COL4A4: variants seen among roughly 807,000 people sequenced by gnomAD.
The protein encoded by COL4A4 is collagen type IV alpha 4 chain.
Under a neutral mutation model 192.9 loss-of-function variants are expected in COL4A4, and 105 were observed. The observed-to-expected ratio is 0.54, with a 90% CI of 0.46 to 0.64. The LOEUF is 0.64. COL4A4 is among the 30% of genes least tolerant of loss of function. COL4A4 has a pLI of 0.00. For missense variants in COL4A4, 1,967 were observed against 2,169.3 expected, an observed-to-expected ratio of 0.91 and a Z score of 1.85; for synonymous variants, 762 against 769.9, an observed-to-expected ratio of 0.99 and a Z score of 0.17.
the COL4A4 span, among the ~76,000 whole-genome samples, chr2:226,972,759 G>A: frequency 6.6e-6 from 1 of 152,086 alleles, no homozygotes; most frequent in Admixed American, 6.5e-5. Flanking sequence ...CTCACACTCG[G>A]CCAAGCTCTT....
chr2:227,051,864 T>A (rs778877959), intron 32 of COL4A4, among the ~76,000 whole-genome samples: 1 of 152,178 alleles, frequency 6.6e-6, no homozygotes, highest in African/African-American at 2.4e-5. Context: ...GCAAAAAATG[T>A]ACCACAAGGT....
the COL4A4 span, among the ~76,000 whole-genome samples, chr2:226,984,541 G>A: frequency 6.6e-6 from 1 of 152,162 alleles, no homozygotes; most frequent in African/African-American, 2.4e-5. Context: ...TGAGGGTTTG[G>A]ACTTCAACGT....
At chr2:227,088,525 C>T (rs2059723108) in intron 22 of COL4A4, 128 bp downstream of exon 22, 1 of 1,249,390 alleles carries the variant, frequency 8.0e-7, no homozygotes, top group Non-Finnish European at 1.2e-6. Context: ...CCATACAGAA[C>T]TGCGAGTCAA....
intron 31 of COL4A4, 32 bp from the exon 32 acceptor site, chr2:227,052,444 A>G: frequency 8.2e-7 from 1 of 1,217,414 alleles, no homozygotes; most frequent in Non-Finnish European, 1.2e-6. Context: ...GAACAAAATG[A>G]ACAGGAACAT....
chr2:227,050,922 C>T (rs1973961680), intron 33 of COL4A4, 55 bp downstream of exon 33: 2 of 1,607,306 alleles, frequency 1.2e-6, no homozygotes, highest in East Asian at 4.5e-5. Flanking sequence ...TTACGGACAT[C>T]CTAAGAACAG....
At chr2:227,031,536 C>T (rs1441419719) in intron 40 of COL4A4, among the ~76,000 whole-genome samples, 1 of 152,148 alleles carries the variant, frequency 6.6e-6, no homozygotes, top group Non-Finnish European at 1.5e-5. Context: ...TTCTTGTGTG[C>T]CACAAGCCTG....
At position 227,008,134 on chromosome 2, in the gene COL4A4, G is replaced by A. The variant is rs372161135; in HGVS notation, c.4693C>T (p.Arg1565Cys). 9.9e-6 allele frequency: 16 copies of A among 1,614,044 alleles called. No individual in the cohort carries two copies. Among genetic ancestry groups the A allele is most frequent in the East Asian group, 2.2e-5 (1 of 44,882 alleles). ...SEEAIRPYVSRCAVCEAPAQA... is the reference protein window; with the variant it reads ...SEEAIRPYVSCCAVCEAPAQA... ...GCCGGGGCCTCGCATACCGCACAGCGGCTGACATAGGGGCGGATCGCCTCT... is the reference window on the plus strand; with the variant it reads ...GCCGGGGCCTCGCATACCGCACAGCAGCTGACATAGGGGCGGATCGCCTCT... The change falls in exon 47 of 48, where the codon CGC (arginine) becomes TGC (cysteine). Residue 1565 changes from arginine to cysteine, a missense_variant. Coordinates refer to ENST00000396625, the MANE Select transcript of COL4A4 (RefSeq NM_000092.5).
intron 18 of COL4A4, among the ~76,000 whole-genome samples, chr2:227,099,347 G>A (rs1009244944): frequency 9.9e-5 from 15 of 152,254 alleles, no homozygotes; most frequent in Middle Eastern, 3.4e-3. Flanking sequence ...AGTTACAGGC[G>A]TGAGCCACTG....
intron 25 of COL4A4, 39 bp from the exon 26 acceptor site, chr2:227,062,637 T>G: frequency 7.3e-7 from 1 of 1,376,052 alleles, no homozygotes; most frequent in Non-Finnish European, 1.0e-6. Context: ...ACATAACTGA[T>G]AGCCCAGTGC....
chr2:227,099,545 G>GGC, intron 18 of COL4A4, 75 bp downstream of exon 18: 9 of 1,342,504 alleles, frequency 6.7e-6, no homozygotes, highest in Non-Finnish European at 9.6e-6. Flanking sequence ...GAAATACTGG[G>GGC]CCAGACTCTT....
intron 43 of COL4A4, chr2:227,022,460 G>A (rs1433145494): frequency 1.6e-6 from 1 of 631,878 alleles, no homozygotes; most frequent in East Asian, 3.7e-5. Context: ...AACAGTGAAG[G>A]TCGGATGATG....
intron 9 of COL4A4, chr2:227,109,490 T>C (rs1370862612): frequency 5.3e-5 from 37 of 693,704 alleles, no homozygotes; most frequent in South Asian, 1.3e-4. Context: ...GGTTCACACC[T>C]GTAATCCCAG....
At chr2:227,027,098 A>G (rs529786318) in intron 42 of COL4A4, among the ~76,000 whole-genome samples, 40 of 152,194 alleles carry the variant, frequency 2.6e-4, no homozygotes, top group African/African-American at 9.1e-4. Context: ...CTATTAAAAT[A>G]CAAAAATTAG....
In COL4A4 at chr2:227,010,615, T is replaced by A. The variant is rs946793877; in HGVS notation, c.4334-114A>T. ...AGCACTCAGGGAGCAGAGGGGAGCA[T>A]GACTCAGCCCCTCCTCGCCTTCTGG... On this transcript the variant is annotated intron_variant, in intron 45 of 47. Coordinates refer to ENST00000396625, the MANE Select transcript of COL4A4 (RefSeq NM_000092.5). 3 of 802,992 alleles carry A rather than the reference T, an allele frequency of 3.7e-6. No homozygotes were observed. In the African/African-American group the frequency reaches 5.2e-5, roughly 14 times the overall value. 49.7% of individuals were successfully genotyped at this position (802,992 alleles called of 1,614,324 possible). A position where few individuals can be genotyped will look rare whatever the true frequency, so the allele number is the denominator to read the frequency against.
At chr2:226,974,732 C>A in the COL4A4 span, among the ~76,000 whole-genome samples, 3 of 152,152 alleles carry the variant, frequency 2.0e-5, no homozygotes, top group Non-Finnish European at 4.4e-5. Flanking sequence ...GTGTCCCGCA[C>A]CCAAGAGCAG....
Position 227,124,261 on chromosome 2 carries a change from G to T in COL4A4, c.193-3113C>A, listed in dbSNP as rs1056368281. On this transcript the variant is annotated intron_variant, in intron 4 of 47. Coordinates refer to ENST00000396625, the MANE Select transcript of COL4A4 (RefSeq NM_000092.5). ...CCAGGGCAATTTTACATTCTATGAG[G>T]TTGGTGCAAAAGTAATTGTGGTTTT... Among the ~76,000 whole-genome samples, 6 of 152,128 alleles carry T rather than the reference G, an allele frequency of 3.9e-5. No individual in the cohort carries two copies. The East Asian group carries it at 9.6e-4, about 24-fold the overall frequency.
At position 227,007,205 on chromosome 2, in the gene COL4A4, CAGAA is replaced by C; in HGVS notation, c.*116_*119del. 3 of 1,389,170 alleles carry C rather than the reference CAGAA, an allele frequency of 2.2e-6. No homozygotes were observed. The highest frequency in any genetic ancestry group is 3.1e-6 in the Non-Finnish European group (3 of 976,972). The allele number at this position is 1,389,170 out of a possible 1,614,324, so 86.1% of individuals were successfully genotyped here. A position where few individuals can be genotyped will look rare whatever the true frequency, so the allele number is the denominator to read the frequency against. On this transcript the variant is annotated 3_prime_UTR_variant, in exon 48 of 48. Coordinates refer to ENST00000396625, the MANE Select transcript of COL4A4 (RefSeq NM_000092.5). ...GACTCTGGGAATAACCACGACAAAA[CAGAA>C]GGAACCACTGAAAGGGAGTCCAAAA...
Position 227,007,414 on chromosome 2 carries a change from A to G in COL4A4, c.4984T>C (p.Ser1662Pro). ...AAGGTGTCTGGTGCTGGAGCAGAGG[A>G]AAACTGCAAGTCTGCTTTCACCGTT... ...LTTVKADLQFSSAPAPDTLKE... is the reference protein window; with the variant it reads ...LTTVKADLQFPSAPAPDTLKE... The change falls in exon 48 of 48, where the codon TCC (serine) becomes CCC (proline). Residue 1662 changes from serine (S) to proline (P), a missense_variant. By Grantham distance (74) the Ser-to-Pro change is moderately conservative (BLOSUM62 -1). Transcript: ENST00000396625. 6.2e-7 allele frequency: 1 copy of G among 1,614,222 alleles called. No individual in the cohort carries two copies. The highest frequency in any genetic ancestry group is 1.1e-5 in the South Asian group (1 of 91,082).
At chr2:227,060,115 A>AAAAAAAAC in intron 27 of COL4A4, 21 bp downstream of exon 27, 1 of 1,306,094 alleles carries the variant, frequency 7.7e-7, no homozygotes, top group South Asian at 1.3e-5. Flanking sequence ...AAAAAAAAAA[A>AAAAAAAAC]AAAAAAAAAA....
Sources: allele counts gnomAD v4.1 joint callset (sites outside exome capture counted in the v4.1 genomes callset), GRCh38; gene constraint gnomAD v4.1.1; transcripts MANE v1.5; gene names NCBI Gene and HGNC (gene_info 2026-07-23, HGNC 2026-07-21).